The following CTNNA2 variants were observed in gnomAD, a reference collection of about 807,000 sequenced individuals.
The protein encoded by CTNNA2 is catenin alpha 2.
CTNNA2 carries 42 observed loss-of-function variants against 101.0 expected under a neutral mutation model. The observed-to-expected ratio is 0.42, with a 90% CI of 0.32 to 0.54. The LOEUF (loss-of-function observed/expected upper bound fraction) is 0.54, where lower values mean the gene tolerates loss of function less well. Among genes scored for constraint, CTNNA2 ranks in the 20% least tolerant of loss-of-function variants. CTNNA2 has a pLI of 0.14. For missense variants in CTNNA2, 871 were observed against 1,223.1 expected, an observed-to-expected ratio of 0.71 and a Z score of 4.29; for synonymous variants, 450 against 456.4, an observed-to-expected ratio of 0.99 and a Z score of 0.18.
At chr2:79,811,802 T>C (rs1414363524) in intron 3 of CTNNA2, among the ~76,000 whole-genome samples, 2 of 152,200 alleles carry the variant, frequency 1.3e-5, no homozygotes, top group Non-Finnish European at 2.9e-5. Context: ...AGTCAATCTA[T>C]GGATCTATCT....
At chr2:80,130,479 C>A (rs1446779876) in intron 7 of CTNNA2, among the ~76,000 whole-genome samples, 3 of 152,118 alleles carry the variant, frequency 2.0e-5, no homozygotes, top group Admixed American at 6.5e-5. Context: ...CACTCTCCTA[C>A]ATGAATATCA....
intron 7 of CTNNA2, among the ~76,000 whole-genome samples, chr2:80,253,857 T>C (rs1330990347): frequency 6.6e-6 from 1 of 152,174 alleles, no homozygotes; most frequent in Non-Finnish European, 1.5e-5. Flanking sequence ...TACTTTTGAA[T>C]AATGGCATGG....
At chr2:80,445,507 G>A (rs1438926879) in intron 9 of CTNNA2, among the ~76,000 whole-genome samples, 1 of 152,132 alleles carries the variant, frequency 6.6e-6, no homozygotes, top group African/African-American at 2.4e-5. Flanking sequence ...TAATATTGCT[G>A]CTTTAAATTT....
intron 4 of CTNNA2, among the ~76,000 whole-genome samples, chr2:79,398,911 T>A (rs1300885386): frequency 3.9e-5 from 6 of 151,956 alleles, no homozygotes; most frequent in African/African-American, 9.7e-5. Flanking sequence ...GATGGTTTAG[T>A]ATGTCCAAAT....
intron 7 of CTNNA2, among the ~76,000 whole-genome samples, chr2:80,078,477 G>A (rs1345930212): frequency 6.6e-6 from 1 of 152,186 alleles, no homozygotes; most frequent in African/African-American, 2.4e-5. Flanking sequence ...AAGTGGACAT[G>A]GGTCATGTGA....
At chr2:80,346,609 T>C (rs1218435528) in intron 7 of CTNNA2, among the ~76,000 whole-genome samples, 1 of 152,196 alleles carries the variant, frequency 6.6e-6, no homozygotes, top group Non-Finnish European at 1.5e-5. Context: ...CTCAAGTTCT[T>C]CCATTTTCCT....
At chr2:80,244,199 G>T (rs930952684) in intron 7 of CTNNA2, among the ~76,000 whole-genome samples, 1 of 152,124 alleles carries the variant, frequency 6.6e-6, no homozygotes, top group Non-Finnish European at 1.5e-5. Flanking sequence ...AAAATTTCTG[G>T]CCATTATTAT....
At chr2:80,636,702 CTA>C (rs1672919937) in intron 18 of CTNNA2, among the ~76,000 whole-genome samples, 1 of 152,100 alleles carries the variant, frequency 6.6e-6, no homozygotes, top group African/African-American at 2.4e-5. Flanking sequence ...TTTATATAGA[CTA>C]TTTATTTTGA....
chr2:80,119,327 C>T (rs972836753), intron 7 of CTNNA2, among the ~76,000 whole-genome samples: 1 of 152,130 alleles, frequency 6.6e-6, no homozygotes, highest in African/African-American at 2.4e-5. Flanking sequence ...GATTGGGTCA[C>T]CAGACTATGA....
At chr2:80,165,647 G>C (rs1166954521) in intron 7 of CTNNA2, among the ~76,000 whole-genome samples, 2 of 152,126 alleles carry the variant, frequency 1.3e-5, no homozygotes, top group Non-Finnish European at 2.9e-5. Context: ...CATGTCTCCT[G>C]TGCTGACATC....
intron 7 of CTNNA2, among the ~76,000 whole-genome samples, chr2:80,318,419 A>G (rs929354616): frequency 1.3e-5 from 2 of 152,146 alleles, no homozygotes; most frequent in African/African-American, 4.8e-5. Flanking sequence ...TGTAGTGAAG[A>G]TAGAGTTGGG....
At chr2:79,434,867 T>C (rs933886062) in intron 4 of CTNNA2, among the ~76,000 whole-genome samples, 1 of 152,160 alleles carries the variant, frequency 6.6e-6, no homozygotes, top group African/African-American at 2.4e-5. Context: ...CAGACCAACA[T>C]GGAGCAGGTA....
chr2:80,467,405 A>G (rs963707805), intron 9 of CTNNA2, among the ~76,000 whole-genome samples: 2 of 152,202 alleles, frequency 1.3e-5, no homozygotes, highest in African/African-American at 4.8e-5. Context: ...ATAAGACACT[A>G]CTAGGGGAAG....
chr2:79,481,332 C>G (rs1239213008), intron 4 of CTNNA2, among the ~76,000 whole-genome samples: 2 of 152,086 alleles, frequency 1.3e-5, no homozygotes, highest in African/African-American at 4.8e-5. Context: ...TCTGTTTCTC[C>G]TTTTCCTAGC....
intron 1 of CTNNA2, among the ~76,000 whole-genome samples, chr2:79,642,118 TA>T (rs1267957066): frequency 1.5e-4 from 23 of 152,236 alleles, no homozygotes; most frequent in African/African-American, 5.3e-4. Context: ...ATAAGTTTAT[TA>T]AAGCATTCTT....
Position 79,212,354 on chromosome 2 carries a change from G to T in CTNNA2, c.-406+14278G>T, listed in dbSNP as rs1309574016. ...GTCTGGTGTCTGGAATGACACTGAG[G>T]CCTAATAAAAAGGAGCGTCTATACA... On this transcript the variant is annotated intron_variant, in intron 2 of 21. Transcript: ENST00000466387. 2.6e-5 allele frequency among the ~76,000 whole-genome samples: 4 copies of T among 152,150 alleles called. 1 individual carries two copies. In the East Asian group the frequency reaches 7.7e-4, roughly 29 times the overall value.
intron 7 of CTNNA2, among the ~76,000 whole-genome samples, chr2:80,290,300 T>A (rs1042483099): frequency 6.6e-6 from 1 of 152,158 alleles, no homozygotes; most frequent in African/African-American, 2.4e-5. Context: ...AAGGAGCTGA[T>A]AAGACAAAGT....
At chr2:79,634,236 A>G (rs1679871541) in intron 1 of CTNNA2, among the ~76,000 whole-genome samples, 1 of 152,206 alleles carries the variant, frequency 6.6e-6, no homozygotes. Context: ...AAGAGACCTT[A>G]TGCTTATCAG....
At chr2:79,842,802 CTAAG>C (rs1249012347) in intron 3 of CTNNA2, among the ~76,000 whole-genome samples, 1 of 151,742 alleles carries the variant, frequency 6.6e-6, no homozygotes, top group African/African-American at 2.4e-5. Flanking sequence ...CTGGTATCTA[CTAAG>C]TACATTATAA....
Sources: allele counts gnomAD v4.1 joint callset (sites outside exome capture counted in the v4.1 genomes callset), GRCh38; gene constraint gnomAD v4.1.1; transcripts MANE v1.5; gene names NCBI Gene and HGNC (gene_info 2026-07-23, HGNC 2026-07-21).